RNF144A: variants seen among roughly 807,000 people sequenced by gnomAD.
RNF144A encodes the protein ring finger protein 144A, also known as E3 ubiquitin-protein ligase RNF144A.
RNF144A carries 11 observed loss-of-function variants against 38.7 expected under a neutral mutation model. The ratio of observed to expected loss-of-function variants is 0.28; its 90% CI spans 0.18 to 0.47. The LOEUF is 0.47. RNF144A is among the 20% of genes least tolerant of loss of function. The pLI is 0.99. For synonymous variants in RNF144A, 149 were observed against 143.9 expected, an observed-to-expected ratio of 1.04 and a Z score of -0.25; for missense variants, 316 against 377.2, an observed-to-expected ratio of 0.84 and a Z score of 1.34.
At chr2:6,990,572 A>ACACACACACAC (rs377124161) in intron 2 of RNF144A, among the ~76,000 whole-genome samples, 31 of 83,934 alleles carry the variant, frequency 3.7e-4, no homozygotes, top group African/African-American at 7.6e-4. Context: ...TACACACACA[A>ACACACACACAC]ACACACACAC....
At chr2:7,050,348 A>G (rs1444160819) in intron 6 of RNF144A, among the ~76,000 whole-genome samples, 4 of 152,144 alleles carry the variant, frequency 2.6e-5, no homozygotes, top group Non-Finnish European at 5.9e-5. Flanking sequence ...GTAAGACATG[A>G]CTTTGCTCCT....
At chr2:7,032,513 T>C (rs1163820117) in intron 8 of RNF144A, among the ~76,000 whole-genome samples, 2 of 152,264 alleles carry the variant, frequency 1.3e-5, no homozygotes, top group African/African-American at 2.4e-5. Context: ...CCCTGCCTGC[T>C]CTGAAACCTG....
chr2:6,954,897 C>T (rs2103319841), intron 2 of RNF144A, among the ~76,000 whole-genome samples: 1 of 152,274 alleles, frequency 6.6e-6, no homozygotes, highest in Non-Finnish European at 1.5e-5. Context: ...ATGTTTTAAA[C>T]CTTATTTTCT....
chr2:7,025,695 A>G (rs937997210), intron 7 of RNF144A, among the ~76,000 whole-genome samples: 2 of 152,202 alleles, frequency 1.3e-5, no homozygotes, highest in Non-Finnish European at 2.9e-5. Flanking sequence ...AAATAAATAA[A>G]TAAAACTATA....
chr2:6,967,637 T>C (rs1667752789), intron 2 of RNF144A, among the ~76,000 whole-genome samples: 1 of 152,236 alleles, frequency 6.6e-6, no homozygotes, highest in Non-Finnish European at 1.5e-5. Context: ...TAAGCATCCA[T>C]TAACAGTAGT....
At chr2:6,965,762 A>G (rs1667631196) in intron 2 of RNF144A, among the ~76,000 whole-genome samples, 1 of 152,130 alleles carries the variant, frequency 6.6e-6, no homozygotes, top group African/African-American at 2.4e-5. Flanking sequence ...GTAATTATAT[A>G]ATCTTAAAAG....
At chr2:6,937,841 A>T (rs1023374060) in intron 1 of RNF144A, among the ~76,000 whole-genome samples, 1 of 152,196 alleles carries the variant, frequency 6.6e-6, no homozygotes, top group African/African-American at 2.4e-5. Context: ...TTGCAAAAAA[A>T]TTAGCATCCT....
intron 2 of RNF144A, among the ~76,000 whole-genome samples, chr2:6,972,589 G>C (rs1051195523): frequency 1.3e-5 from 2 of 152,096 alleles, no homozygotes; most frequent in Non-Finnish European, 2.9e-5. Flanking sequence ...TCTCTTCCAG[G>C]CCTCTCTGGC....
chr2:6,952,971 T>C (rs929751440), intron 2 of RNF144A, among the ~76,000 whole-genome samples: 1 of 152,240 alleles, frequency 6.6e-6, no homozygotes, highest in Non-Finnish European at 1.5e-5. Context: ...CTCTGTATTG[T>C]AACTTTACTT....
intron 2 of RNF144A, among the ~76,000 whole-genome samples, chr2:6,993,753 G>A (rs548546508): frequency 1.3e-5 from 2 of 152,118 alleles, no homozygotes; most frequent in South Asian, 2.1e-4. Context: ...TTGAACTTCC[G>A]AAATGACTAA....
intron 2 of RNF144A, among the ~76,000 whole-genome samples, chr2:6,954,569 T>C (rs776309426): frequency 1.3e-5 from 2 of 152,234 alleles, no homozygotes; most frequent in Non-Finnish European, 2.9e-5. Flanking sequence ...CAATTACTGA[T>C]TTTTGTTGCT....
chr2:6,970,039 C>CGTA (rs1435244723), intron 2 of RNF144A, among the ~76,000 whole-genome samples: 5 of 152,222 alleles, frequency 3.3e-5, no homozygotes, highest in Admixed American at 2.6e-4. Flanking sequence ...GGATTACAGG[C>CGTA]GTAAGCCACC....
chr2:6,951,909 T>C (rs1666704817), intron 2 of RNF144A, among the ~76,000 whole-genome samples: 1 of 152,176 alleles, frequency 6.6e-6, no homozygotes, highest in South Asian at 2.1e-4. Flanking sequence ...TTCTTGTGAT[T>C]GCTTTCTTTT....
intron 2 of RNF144A, among the ~76,000 whole-genome samples, chr2:6,955,563 C>A (rs1666949093): frequency 6.6e-6 from 1 of 152,146 alleles, no homozygotes; most frequent in Non-Finnish European, 1.5e-5. Flanking sequence ...TCAAGCAAAG[C>A]CAATTAGGAA....
the RNF144A span, among the ~76,000 whole-genome samples, chr2:7,075,059 C>T: frequency 6.6e-6 from 1 of 152,194 alleles, no homozygotes; most frequent in Admixed American, 6.5e-5. Context: ...TTTTTATACC[C>T]ATGGATTCTA....
chr2:7,043,116 C>G lies in RNF144A; in HGVS notation c.*3356C>G. The G allele has an allele frequency of 4.5e-6, 4 of 894,084 alleles. No individual in the cohort carries two copies. The highest frequency in any genetic ancestry group is 5.4e-6 in the Non-Finnish European group (4 of 746,768). The allele number at this position is 894,084 out of a possible 1,614,324, so 55.4% of individuals were successfully genotyped here. On this transcript the variant is annotated 3_prime_UTR_variant, in exon 9 of 9. Transcript: ENST00000320892. ...CTCCTGACCTCAGGTGATCTGCCCA[C>G]CTCGGCTTCCCAAAGTGCTGGAATT...
At chr2:6,952,199 G>A (rs12477614) in intron 2 of RNF144A, among the ~76,000 whole-genome samples, 114,831 of 151,960 alleles carry the variant, frequency 0.76, 44,087 homozygotes, top group Non-Finnish European at 0.84. Context: ...GTTCTGTTAC[G>A]CTTACAATAT....
At chr2:6,979,298 A>AT (rs1668489829) in intron 2 of RNF144A, among the ~76,000 whole-genome samples, 2 of 151,640 alleles carry the variant, frequency 1.3e-5, no homozygotes, top group Non-Finnish European at 2.9e-5. Context: ...GAGATGAGAT[A>AT]TTTTTTTTCC....
intron 3 of RNF144A, among the ~76,000 whole-genome samples, chr2:7,011,864 G>A (rs407798): frequency 0.83 from 126,656 of 152,186 alleles, 52,948 homozygotes; most frequent in South Asian, 0.92. Context: ...CTCTCTTTAT[G>A]TAGTGAACAA....
Sources: gnomAD v4.1 joint callset for allele counts (sites outside exome capture counted in the v4.1 genomes callset) on GRCh38, gnomAD v4.1.1 for gene constraint, MANE v1.5 for transcripts, NCBI Gene and HGNC (gene_info 2026-07-23, HGNC 2026-07-21) for gene names.